ENTREP2: variants seen among roughly 807,000 people sequenced by gnomAD.
ENTREP2 encodes the protein protein ENTREP2.
At chr15:29,537,526 A>C in the ENTREP2 span, among the ~76,000 whole-genome samples, 12 of 152,284 alleles carry the variant, frequency 7.9e-5, 1 homozygote, top group South Asian at 2.5e-3. Flanking sequence ...TATACAGTAC[A>C]TGCAAATCCA....
the ENTREP2 span, among the ~76,000 whole-genome samples, chr15:29,295,775 G>T: frequency 6.6e-6 from 1 of 152,238 alleles, no homozygotes; most frequent in Non-Finnish European, 1.5e-5. Flanking sequence ...GCCTGGAGAC[G>T]CTGGACAAAG....
At chr15:29,124,609 T>C in the ENTREP2 span, 18,835 of 1,249,164 alleles carry the variant, frequency 0.015, 437 homozygotes, top group African/African-American at 0.097. Flanking sequence ...TTGGAAACAA[T>C]GTAGCCAAGG....
chr15:29,194,627 C>T, the ENTREP2 span, among the ~76,000 whole-genome samples: 3 of 152,178 alleles, frequency 2.0e-5, no homozygotes, highest in African/African-American at 7.2e-5. Context: ...ATACCAAGGG[C>T]TTTTCTCACC....
At chr15:29,625,285 G>A in the ENTREP2 span, among the ~76,000 whole-genome samples, 1 of 152,142 alleles carries the variant, frequency 6.6e-6, no homozygotes, top group Admixed American at 6.5e-5. Flanking sequence ...AGGACATTTG[G>A]GTTGTTTCCA....
chr15:29,435,232 C>T, the ENTREP2 span, among the ~76,000 whole-genome samples: 3 of 152,266 alleles, frequency 2.0e-5, no homozygotes, highest in Non-Finnish European at 2.9e-5. Flanking sequence ...CAGCAAGAAA[C>T]GTGAGCTCAG....
At chr15:29,338,751 CT>C in the ENTREP2 span, among the ~76,000 whole-genome samples, 6 of 152,122 alleles carry the variant, frequency 3.9e-5, no homozygotes, top group South Asian at 1.2e-3. Flanking sequence ...AACTGGTTTT[CT>C]TTTAATAAAA....
At chr15:29,606,238 CTT>C in the ENTREP2 span, among the ~76,000 whole-genome samples, 88 of 140,324 alleles carry the variant, frequency 6.3e-4, no homozygotes, top group South Asian at 9.3e-4. Flanking sequence ...TCTTTTCCTT[CTT>C]TTTTTTTTTT....
At chr15:29,522,607 C>A in the ENTREP2 span, among the ~76,000 whole-genome samples, 1,780 of 152,216 alleles carry the variant, frequency 0.012, 30 homozygotes, top group African/African-American at 0.041. Context: ...TGGTGCTATT[C>A]CCTTCCCACC....
chr15:29,509,877 G>C, the ENTREP2 span, among the ~76,000 whole-genome samples: 1 of 152,040 alleles, frequency 6.6e-6, no homozygotes, highest in African/African-American at 2.4e-5. Flanking sequence ...CAAAAGCAAT[G>C]GCAACAAAAG....
the ENTREP2 span, among the ~76,000 whole-genome samples, chr15:29,605,696 C>T: frequency 7.1e-6 from 1 of 141,064 alleles, no homozygotes; most frequent in Non-Finnish European, 1.5e-5. Context: ...ACTAGCTGGG[C>T]ATGATGGGGG....
the ENTREP2 span, among the ~76,000 whole-genome samples, chr15:29,159,436 G>A: frequency 7.2e-5 from 11 of 152,168 alleles, no homozygotes; most frequent in South Asian, 2.1e-4. Flanking sequence ...GCATAGAAAA[G>A]GACAGGGCCG....
At chr15:29,407,413 C>T in the ENTREP2 span, among the ~76,000 whole-genome samples, 1 of 152,198 alleles carries the variant, frequency 6.6e-6, no homozygotes, top group African/African-American at 2.4e-5. Flanking sequence ...AGCTCTCCAA[C>T]AGCCCTGAGG....
At chr15:29,417,714 ATATG>A in the ENTREP2 span, among the ~76,000 whole-genome samples, 1 of 152,100 alleles carries the variant, frequency 6.6e-6, no homozygotes, top group Non-Finnish European at 1.5e-5. Flanking sequence ...GCTGAAATAT[ATATG>A]TATGTATCTT....
chr15:29,167,608 C>T, the ENTREP2 span, among the ~76,000 whole-genome samples: 1 of 152,088 alleles, frequency 6.6e-6, no homozygotes, highest in Non-Finnish European at 1.5e-5. Flanking sequence ...AAATCAAAAC[C>T]ACAGTGTGAT....
chr15:29,118,187 T>A, the ENTREP2 span: 4 of 152,658 alleles, frequency 2.6e-5, no homozygotes, highest in Non-Finnish European at 4.4e-5. Flanking sequence ...CACTGTGACT[T>A]AAGAAGCCTT....
chr15:29,178,552 AAGG>A, the ENTREP2 span, among the ~76,000 whole-genome samples: 80 of 152,078 alleles, frequency 5.3e-4, no homozygotes, highest in African/African-American at 1.9e-3. Flanking sequence ...GAGCGCTAGA[AAGG>A]AGAATGGGCC....
the ENTREP2 span, among the ~76,000 whole-genome samples, chr15:29,594,407 G>A: frequency 6.6e-6 from 1 of 152,172 alleles, no homozygotes; most frequent in Non-Finnish European, 1.5e-5. Context: ...TCACCTGGGA[G>A]CAGCCTCCCC....
At chr15:29,133,510 C>T in the ENTREP2 span, among the ~76,000 whole-genome samples, 2 of 152,202 alleles carry the variant, frequency 1.3e-5, no homozygotes, top group African/African-American at 2.4e-5. Flanking sequence ...TCCAGCCCTG[C>T]CCTCCATCGC....
At chr15:29,444,889 T>A in the ENTREP2 span, among the ~76,000 whole-genome samples, 1 of 152,238 alleles carries the variant, frequency 6.6e-6, no homozygotes, top group East Asian at 1.9e-4. Flanking sequence ...CCACTCAGGC[T>A]GAGACCCTGG....
Sources: allele counts gnomAD v4.1 joint callset (sites outside exome capture counted in the v4.1 genomes callset), GRCh38; gene constraint gnomAD v4.1.1; transcripts MANE v1.5; gene names NCBI Gene and HGNC (gene_info 2026-07-23, HGNC 2026-07-21).